The following ATF7IP variants were observed in gnomAD, a reference collection of about 807,000 sequenced individuals.
ATF7IP encodes activating transcription factor 7-interacting protein 1.
A neutral mutation model predicts 106.4 loss-of-function variants in ATF7IP; 23 were observed. That is an observed-to-expected ratio of 0.22 (90% CI 0.16 to 0.31). ATF7IP has a LOEUF of 0.31. Among genes scored for constraint, ATF7IP ranks in the 10% least tolerant of loss-of-function variants. The pLI is 1.00. For missense variants in ATF7IP, 1,334 were observed against 1,524.3 expected, an observed-to-expected ratio of 0.88 and a Z score of 2.08; for synonymous variants, 542 against 539.0, an observed-to-expected ratio of 1.01 and a Z score of -0.08.
At chr12:14,456,148 G>C (rs2058877) in intron 6 of ATF7IP, among the ~76,000 whole-genome samples, 86,836 of 151,884 alleles carry the variant, frequency 0.57, 25,211 homozygotes, top group African/African-American at 0.67. Flanking sequence ...TGTTGAATTG[G>C]TGGTGCTAAT....
At chr12:14,481,668 T>C (rs1944433276) in intron 13 of ATF7IP, 1 of 429,680 alleles carries the variant, frequency 2.3e-6, no homozygotes, top group South Asian at 1.7e-5. Context: ...GAGTGTTGTC[T>C]TTAATTTAAC....
intron 13 of ATF7IP, chr12:14,481,448 A>G (rs943223789): frequency 7.0e-5 from 28 of 400,806 alleles, no homozygotes; most frequent in African/African-American, 4.4e-4. Context: ...ATGTGAGATC[A>G]TGCATATGTC....
At chr12:14,495,579 A>G (rs1355564586) in intron 13 of ATF7IP, among the ~76,000 whole-genome samples, 1 of 152,228 alleles carries the variant, frequency 6.6e-6, no homozygotes, top group Non-Finnish European at 1.5e-5. Flanking sequence ...TAGTTAGGGC[A>G]GTAGGTGGCT....
chr12:14,384,563 C>T lies in ATF7IP; in HGVS notation c.-8+18736C>T, dbSNP rs546238231. Among the ~76,000 whole-genome samples the T allele has an allele frequency of 1.5e-4, 23 of 152,176 alleles. 1 individual carries two copies. In the South Asian group the frequency reaches 2.9e-3, roughly 19 times the overall value. On this transcript the variant is annotated intron_variant, in intron 1 of 14. Coordinates refer to ENST00000261168, the MANE Select transcript of ATF7IP (RefSeq NM_018179.5). ...ATTTGCCCTGGGACTAAACACTCAC[C>T]TGGGGATGTTAATGTTTGTGACCAT... is the stretch of plus-strand genomic sequence containing the variant.
At chr12:14,425,982 C>A (rs1941825013) in intron 2 of ATF7IP, among the ~76,000 whole-genome samples, 1 of 152,098 alleles carries the variant, frequency 6.6e-6, no homozygotes, top group Admixed American at 6.5e-5. Context: ...CTTGATTATC[C>A]ATTTGATAAA....
chr12:14,489,403 C>G (rs1398332717), intron 13 of ATF7IP, among the ~76,000 whole-genome samples: 1 of 152,132 alleles, frequency 6.6e-6, no homozygotes, highest in Non-Finnish European at 1.5e-5. Context: ...CATTTTGTCT[C>G]CTGGTGTGAG....
At chr12:14,473,075 G>A (rs956222728) in intron 10 of ATF7IP, among the ~76,000 whole-genome samples, 2 of 152,046 alleles carry the variant, frequency 1.3e-5, no homozygotes, top group African/African-American at 4.8e-5. Flanking sequence ...TCTACATTTT[G>A]GTCGGAGTTT....
intron 1 of ATF7IP, among the ~76,000 whole-genome samples, chr12:14,410,368 A>G (rs1342165667): frequency 6.6e-6 from 1 of 151,984 alleles, no homozygotes; most frequent in Non-Finnish European, 1.5e-5. Context: ...TTTGTCCAGT[A>G]TGTCCAGCAT....
intron 1 of ATF7IP, among the ~76,000 whole-genome samples, chr12:14,413,704 T>C (rs541011227): frequency 6.6e-6 from 1 of 152,332 alleles, no homozygotes; most frequent in South Asian, 2.1e-4. Flanking sequence ...TTTGTTATAG[T>C]GACTCACATA....
In ATF7IP at chr12:14,464,203, CCAGGAGGCCGAAG is replaced by C. The variant is rs754196896; in HGVS notation, c.2798-2302_2798-2290del. Among the ~76,000 whole-genome samples the C allele has an allele frequency of 1.1e-3, 163 of 152,072 alleles. 1 individual carries two copies. The highest frequency in any genetic ancestry group is 3.4e-3 in the Middle Eastern group (1 of 294). On this transcript the variant is annotated intron_variant, in intron 9 of 14. Transcript: ENST00000261168. Reference sequence around the variant, plus strand: ...GATACATGCCTGCAGTCCCAGCTACCCAGGAGGCCGAAGCAGGAGGCCGAAGCAGGAGGATTGC... The same window carrying C: ...GATACATGCCTGCAGTCCCAGCTACCCAGGAGGCCGAAGCAGGAGGATTGC...
intron 9 of ATF7IP, among the ~76,000 whole-genome samples, chr12:14,462,391 T>C (rs1239709138): frequency 1.3e-5 from 2 of 152,066 alleles, no homozygotes; most frequent in African/African-American, 4.8e-5. Flanking sequence ...TAGTTCTTAG[T>C]ATTTTTTAAT....
At chr12:14,468,783 A>C (rs7298594) in intron 10 of ATF7IP, among the ~76,000 whole-genome samples, 46,326 of 151,940 alleles carry the variant, frequency 0.3, 8,168 homozygotes, top group Admixed American at 0.45. Flanking sequence ...TAATGGAAGT[A>C]TATATGTGCT....
At chr12:14,382,110 G>C (rs187447275) in intron 1 of ATF7IP, among the ~76,000 whole-genome samples, 1 of 152,272 alleles carries the variant, frequency 6.6e-6, no homozygotes, top group East Asian at 1.9e-4. Flanking sequence ...TGAAGTGAGA[G>C]AGTCTCGTGA....
chr12:14,496,408 G>C, intron 14 of ATF7IP, 65 bp downstream of exon 14: 2 of 1,089,004 alleles, frequency 1.8e-6, no homozygotes, highest in Non-Finnish European at 2.7e-6. Context: ...TATTGTATTT[G>C]GCATTTTTCT....
intron 1 of ATF7IP, among the ~76,000 whole-genome samples, chr12:14,408,875 A>T (rs778940355): frequency 1.3e-4 from 20 of 152,124 alleles, no homozygotes; most frequent in Non-Finnish European, 2.5e-4. Context: ...TTTAGATGTC[A>T]GTTACGTGTA....
At chr12:14,418,969 A>G (rs1941350100) in intron 1 of ATF7IP, among the ~76,000 whole-genome samples, 1 of 152,152 alleles carries the variant, frequency 6.6e-6, no homozygotes, top group African/African-American at 2.4e-5. Flanking sequence ...ATTTATATAA[A>G]AAATACCAAA....
chr12:14,442,895 T>C (rs1356448638), intron 5 of ATF7IP, among the ~76,000 whole-genome samples: 2 of 152,066 alleles, frequency 1.3e-5, no homozygotes, highest in African/African-American at 4.8e-5. Flanking sequence ...TGGCTCATGC[T>C]TGTAATCCGA....
At chr12:14,491,872 A>T (rs1171909388) in intron 13 of ATF7IP, among the ~76,000 whole-genome samples, 1 of 152,210 alleles carries the variant, frequency 6.6e-6, no homozygotes, top group African/African-American at 2.4e-5. Context: ...TCCATGATCC[A>T]TCTGTCTTCT....
At chr12:14,431,923 A>C (rs1426643480) in intron 2 of ATF7IP, among the ~76,000 whole-genome samples, 2 of 152,152 alleles carry the variant, frequency 1.3e-5, no homozygotes. Flanking sequence ...TTAAATCCCA[A>C]GTTCTTTCCG....
Sources: allele counts gnomAD v4.1 joint callset (sites outside exome capture counted in the v4.1 genomes callset), GRCh38; gene constraint gnomAD v4.1.1; transcripts MANE v1.5; gene names NCBI Gene and HGNC (gene_info 2026-07-23, HGNC 2026-07-21).